CCDC178: variants seen among roughly 807,000 people sequenced by gnomAD.
The protein encoded by CCDC178 is coiled-coil domain-containing protein 178.
A neutral mutation model predicts 117.4 loss-of-function variants in CCDC178; 126 were observed. That is an observed-to-expected ratio of 1.07 (90% CI 0.93 to 1.24). CCDC178 has a LOEUF of 1.24. CCDC178 is among the 50% of genes most tolerant of loss of function. CCDC178 has a pLI of 0.00. For missense variants in CCDC178, 1,030 were observed against 986.9 expected, an observed-to-expected ratio of 1.04 and a Z score of -0.59; for synonymous variants, 283 against 313.4, an observed-to-expected ratio of 0.90 and a Z score of 1.02.
intron 21 of CCDC178, among the ~76,000 whole-genome samples, chr18:33,037,795 T>G (rs1276966207): frequency 6.6e-6 from 1 of 151,926 alleles, no homozygotes; most frequent in African/African-American, 2.4e-5. Context: ...CATAAAACTA[T>G]GAGTGACCAT....
intron 20 of CCDC178, among the ~76,000 whole-genome samples, chr18:33,201,950 T>C (rs1235446009): frequency 6.6e-6 from 1 of 152,102 alleles, no homozygotes; most frequent in Non-Finnish European, 1.5e-5. Flanking sequence ...TGTCTTCAAA[T>C]ATTTTCTACT....
intron 21 of CCDC178, among the ~76,000 whole-genome samples, chr18:33,071,000 A>C (rs2057099282): frequency 6.6e-6 from 1 of 152,154 alleles, no homozygotes; most frequent in Non-Finnish European, 1.5e-5. Flanking sequence ...AAATCAATTA[A>C]GGATAAGAAT....
intron 5 of CCDC178, among the ~76,000 whole-genome samples, chr18:33,379,725 C>T (rs1344952046): frequency 6.6e-6 from 1 of 152,138 alleles, no homozygotes; most frequent in African/African-American, 2.4e-5. Context: ...TGAAGATCTG[C>T]CTTTGCATGG....
intron 21 of CCDC178, among the ~76,000 whole-genome samples, chr18:33,090,761 C>A (rs2057450336): frequency 6.6e-6 from 1 of 152,134 alleles, no homozygotes; most frequent in Admixed American, 6.5e-5. Context: ...ACAAATAAAT[C>A]TTGAAAGTTT....
At chr18:33,226,722 G>T in intron 16 of CCDC178, 71 bp downstream of exon 16, 3 of 1,138,558 alleles carry the variant, frequency 2.6e-6, no homozygotes, top group Non-Finnish European at 2.6e-6. Context: ...CCTCATTACA[G>T]GCAAATTTAA....
At chr18:33,338,340 T>C (rs1477638626) in intron 9 of CCDC178, among the ~76,000 whole-genome samples, 4 of 152,208 alleles carry the variant, frequency 2.6e-5, no homozygotes, top group Non-Finnish European at 5.9e-5. Flanking sequence ...GGGAAAACAG[T>C]GTGGAGATTG....
At chr18:33,362,086 T>C (rs1185616377) in intron 6 of CCDC178, among the ~76,000 whole-genome samples, 2 of 151,206 alleles carry the variant, frequency 1.3e-5, no homozygotes, top group Non-Finnish European at 3.0e-5. Flanking sequence ...ATAAAGAAAA[T>C]GTAGGAGTGT....
intron 12 of CCDC178, among the ~76,000 whole-genome samples, chr18:33,277,001 T>C (rs964931066): frequency 6.6e-6 from 1 of 152,072 alleles, no homozygotes; most frequent in African/African-American, 2.4e-5. Context: ...GCCAGCATCA[T>C]ATTTAAGGGA....
chr18:32,983,420 A>C, intron 21 of CCDC178: 1 of 851,392 alleles, frequency 1.2e-6, no homozygotes, highest in Non-Finnish European at 1.9e-6. Context: ...CCTATCTACA[A>C]ACACAGTCAA....
intron 21 of CCDC178, among the ~76,000 whole-genome samples, chr18:33,073,440 T>C (rs2057144456): frequency 6.6e-6 from 1 of 152,140 alleles, no homozygotes; most frequent in African/African-American, 2.4e-5. Flanking sequence ...ACTCAGACAA[T>C]TCTGTATTAC....
chr18:33,013,853 T>C (rs935922038), intron 21 of CCDC178, among the ~76,000 whole-genome samples: 1 of 152,214 alleles, frequency 6.6e-6, no homozygotes, highest in African/African-American at 2.4e-5. Context: ...CAAGGTACAC[T>C]GTGTAAAAGA....
chr18:33,121,714 CT>C (rs2057939921), intron 20 of CCDC178, among the ~76,000 whole-genome samples: 1 of 152,096 alleles, frequency 6.6e-6, no homozygotes, highest in Non-Finnish European at 1.5e-5. Flanking sequence ...GAGAAAATCA[CT>C]TAACCTCTCT....
chr18:33,105,365 C>T (rs1232811163), intron 20 of CCDC178, among the ~76,000 whole-genome samples: 1 of 151,608 alleles, frequency 6.6e-6, no homozygotes, highest in East Asian at 1.9e-4. Context: ...AAACTTTCTG[C>T]TCTTATGCTT....
At chr18:33,217,858 GA>G (rs1568063995) in intron 18 of CCDC178, among the ~76,000 whole-genome samples, 1 of 151,892 alleles carries the variant, frequency 6.6e-6, no homozygotes, top group East Asian at 1.9e-4. Context: ...GTCTGGGTTG[GA>G]ATTGCAACTT....
intron 22 of CCDC178, chr18:32,954,383 G>A (rs2054550804): frequency 6.6e-6 from 1 of 152,088 alleles, no homozygotes; most frequent in Non-Finnish European, 1.5e-5. Flanking sequence ...ATATACACAT[G>A]TTGTAGGTAT....
intron 20 of CCDC178, among the ~76,000 whole-genome samples, chr18:33,192,835 A>G (rs1458725974): frequency 3.3e-5 from 5 of 150,194 alleles, no homozygotes; most frequent in African/African-American, 1.2e-4. Context: ...CGGGAGGCGG[A>G]GATTGCAGTG....
intron 4 of CCDC178, among the ~76,000 whole-genome samples, chr18:33,392,037 A>G (rs1047269434): frequency 6.6e-6 from 1 of 151,750 alleles, no homozygotes; most frequent in Admixed American, 6.6e-5. Flanking sequence ...CTAATTTTTT[A>G]TATTTTTAGT....
chr18:33,329,876 AGT>A (rs67627028), intron 10 of CCDC178, among the ~76,000 whole-genome samples: 12,480 of 131,242 alleles, frequency 0.095, 596 homozygotes, highest in Middle Eastern at 0.15. Flanking sequence ...GAATTATTAG[AGT>A]GTGTGTGTGT....
At chr18:33,247,362 T>A (rs1002325859) in intron 14 of CCDC178, among the ~76,000 whole-genome samples, 1 of 151,552 alleles carries the variant, frequency 6.6e-6, no homozygotes, top group African/African-American at 2.4e-5. Flanking sequence ...GAAAAGAAAT[T>A]TTGACACACA....
Sources: gnomAD v4.1 joint callset for allele counts (sites outside exome capture counted in the v4.1 genomes callset) on GRCh38, gnomAD v4.1.1 for gene constraint, MANE v1.5 for transcripts, NCBI Gene and HGNC (gene_info 2026-07-23, HGNC 2026-07-21) for gene names.